CCDC6: variants seen among roughly 807,000 people sequenced by gnomAD.
The protein encoded by CCDC6 is coiled-coil domain-containing protein 6.
CCDC6 carries 20 observed loss-of-function variants against 56.6 expected under a neutral mutation model. That is an observed-to-expected ratio of 0.35 (90% confidence interval 0.25 to 0.51). The LOEUF (loss-of-function observed/expected upper bound fraction) is 0.51, where lower values mean the gene tolerates loss of function less well. Among genes scored for constraint, CCDC6 ranks in the 20% least tolerant of loss-of-function variants. The pLI is 0.95. For synonymous variants in CCDC6, 241 were observed against 234.4 expected (o/e 1.03, Z -0.26); for missense variants, 367 against 601.1 (o/e 0.61, Z 4.07).
At position 59,869,103 on chromosome 10, in the gene CCDC6, A is replaced by G. The variant is rs921392568; in HGVS notation, c.304-16401T>C. Reference sequence around the variant, plus strand: ...CCTTTAACCTGTCTTTCAAAAGCCAATGGGAGCCATAGGAAAGAGCACACT... The same window carrying G: ...CCTTTAACCTGTCTTTCAAAAGCCAGTGGGAGCCATAGGAAAGAGCACACT... On this transcript the variant is annotated intron_variant, in intron 1 of 8. Coordinates refer to ENST00000263102, the MANE Select transcript of CCDC6 (RefSeq NM_005436.5). 4.6e-5 allele frequency among the ~76,000 whole-genome samples: 7 copies of G among 152,184 alleles called. No individual in the cohort carries two copies. In the South Asian group the frequency reaches 6.2e-4, roughly 14 times the overall value.
At chr10:59,828,648 A>G (rs1437608228) in intron 3 of CCDC6, among the ~76,000 whole-genome samples, 2 of 152,050 alleles carry the variant, frequency 1.3e-5, no homozygotes, top group African/African-American at 2.4e-5. Context: ...AACCCTCCCA[A>G]TCTCTCTCCG....
intron 3 of CCDC6, among the ~76,000 whole-genome samples, chr10:59,824,408 C>T (rs944404751): frequency 2.0e-5 from 3 of 152,084 alleles, no homozygotes; most frequent in African/African-American, 7.2e-5. Flanking sequence ...GCACAAAATT[C>T]CATTTATTTA....
chr10:59,848,967 C>A (rs554839553), intron 2 of CCDC6, among the ~76,000 whole-genome samples: 1 of 152,344 alleles, frequency 6.6e-6, no homozygotes, highest in South Asian at 2.1e-4. Flanking sequence ...CCACCTGCCT[C>A]GGCCTCCCAA....
intron 5 of CCDC6, among the ~76,000 whole-genome samples, chr10:59,809,686 A>G (rs1444539019): frequency 1.3e-5 from 2 of 152,190 alleles, no homozygotes; most frequent in Non-Finnish European, 2.9e-5. Flanking sequence ...CTCCCAATAT[A>G]GTAGGCCCTC....
chr10:59,806,682 A>C lies in CCDC6; in HGVS notation c.1004+240T>G, dbSNP rs188222621. 3 of 446,186 alleles carry C rather than the reference A, an allele frequency of 6.7e-6. No individual in the cohort carries two copies. In the Admixed American group the frequency reaches 1.1e-4, roughly 16 times the overall value. 27.6% of individuals were successfully genotyped at this position (446,186 alleles called of 1,614,324 possible). ...GCTTCTCTAATATAACCCTGTCTCCATTTCTCTCCCCACCAAATGATTTTA... is the reference window on the plus strand; with the variant it reads ...GCTTCTCTAATATAACCCTGTCTCCCTTTCTCTCCCCACCAAATGATTTTA... On this transcript the variant is annotated intron_variant, in intron 6 of 8. Coordinates refer to ENST00000263102, the MANE Select transcript of CCDC6 (RefSeq NM_005436.5).
rs560752653 is a variant in CCDC6 at position 59,790,556 on chromosome 10, A to C, written c.*2361T>G. 55 of 221,574 alleles carry C rather than the reference A, an allele frequency of 2.5e-4. No homozygotes were observed. The highest frequency in any genetic ancestry group is 1.2e-3 in the African/African-American group (53 of 44,734). The allele number at this position is 221,574 out of a possible 1,614,324, so 13.7% of individuals were successfully genotyped here. ...TGTTACAGGCTCTGCATAGGTCCTCAAACACTTTAAAGGACACGAACCATC... is the reference window on the plus strand; with the variant it reads ...TGTTACAGGCTCTGCATAGGTCCTCCAACACTTTAAAGGACACGAACCATC... On this transcript the variant is annotated 3_prime_UTR_variant, in exon 9 of 9. Transcript: ENST00000263102.
chr10:59,800,855 TG>T (rs2070569339), intron 7 of CCDC6, among the ~76,000 whole-genome samples: 1 of 152,196 alleles, frequency 6.6e-6, no homozygotes, highest in Admixed American at 6.5e-5. Context: ...AAGTCTTTGC[TG>T]GAATAAACTT....
Position 59,794,454 on chromosome 10 carries a change from C to T in CCDC6, c.1230+19G>A. On this transcript the variant is annotated intron_variant, in intron 8 of 8. Coordinates refer to ENST00000263102, the MANE Select transcript of CCDC6 (RefSeq NM_005436.5). The stretch of plus-strand genomic sequence containing the variant: ...ACTTTCAGGAGTAAAGTGCTGCTTC[C>T]TACCCCACGGACACTTACTGTGATA... 1 of 1,613,550 alleles carries T rather than the reference C, an allele frequency of 6.2e-7. No individual in the cohort carries two copies. The highest frequency in any genetic ancestry group is 8.5e-7 in the Non-Finnish European group (1 of 1,179,626).
intron 1 of CCDC6, among the ~76,000 whole-genome samples, chr10:59,864,996 G>A (rs1209254875): frequency 6.6e-6 from 1 of 152,174 alleles, no homozygotes; most frequent in Non-Finnish European, 1.5e-5. Flanking sequence ...CGATCTTCAA[G>A]TTGATCAAAT....
At chr10:59,879,292 A>C (rs2071311576) in intron 1 of CCDC6, among the ~76,000 whole-genome samples, 1 of 152,196 alleles carries the variant, frequency 6.6e-6, no homozygotes, top group South Asian at 2.1e-4. Flanking sequence ...AAAGAATAAG[A>C]AGTTACTGAA....
In CCDC6 at chr10:59,882,024, C is replaced by CAGGGGGAGAAGGAAAGGAAA. The variant is rs1491423168; in HGVS notation, c.303+24097_303+24098insTTTCCTTTCCTTCTCCCCCT. On this transcript the variant is annotated intron_variant, in intron 1 of 8. Transcript: ENST00000263102. ...AAGCTGGGGAGAAGGAAAGGAAAGC[C>CAGGGGGAGAAGGAAAGGAAA]GCGGGGAGAAGGAAAGGAAAGCCAG... Among the ~76,000 whole-genome samples, 13 of 48,254 alleles carry CAGGGGGAGAAGGAAAGGAAA rather than the reference C, an allele frequency of 2.7e-4. 1 individual carries two copies. Among genetic ancestry groups the CAGGGGGAGAAGGAAAGGAAA allele is most frequent in the African/African-American group, 6.3e-4 (6 of 9,584 alleles). The allele number at this position is 48,254 out of a possible 152,430, so 31.7% of individuals were successfully genotyped here.
intron 1 of CCDC6, among the ~76,000 whole-genome samples, chr10:59,889,466 C>G (rs1010568502): frequency 6.6e-6 from 1 of 152,166 alleles, no homozygotes; most frequent in Non-Finnish European, 1.5e-5. Context: ...GAATAAAAAC[C>G]TTTGAGTCTT....
intron 1 of CCDC6, among the ~76,000 whole-genome samples, chr10:59,856,661 T>C (rs1191215360): frequency 6.6e-6 from 1 of 152,126 alleles, no homozygotes; most frequent in Non-Finnish European, 1.5e-5. Flanking sequence ...CCAGGTACCA[T>C]TCACAAGGCA....
At chr10:59,861,514 TA>T (rs1376812454) in intron 1 of CCDC6, among the ~76,000 whole-genome samples, 1 of 147,784 alleles carries the variant, frequency 6.8e-6, no homozygotes, top group Non-Finnish European at 1.5e-5. Context: ...AGAGATGACC[TA>T]AATGTAGGAA....
At chr10:59,866,142 A>C (rs78219679) in intron 1 of CCDC6, among the ~76,000 whole-genome samples, 2,734 of 152,332 alleles carry the variant, frequency 0.018, 30 homozygotes, top group Middle Eastern at 0.044. Context: ...CTGCATGGGA[A>C]GCACCGTGTG....
chr10:59,819,273 T>C (rs1001834901), intron 3 of CCDC6, among the ~76,000 whole-genome samples: 1 of 152,230 alleles, frequency 6.6e-6, no homozygotes, highest in Non-Finnish European at 1.5e-5. Context: ...ACTTACTGTA[T>C]TTCATTACAT....
chr10:59,837,746 C>CCAA (rs1288485560), intron 2 of CCDC6, among the ~76,000 whole-genome samples: 1 of 49,736 alleles, frequency 2.0e-5, no homozygotes, highest in Non-Finnish European at 4.0e-5. Flanking sequence ...GACTCTGTCT[C>CCAA]AAAAAAAAAA....
At chr10:59,849,031 G>A (rs185708352) in intron 2 of CCDC6, among the ~76,000 whole-genome samples, 3 of 152,306 alleles carry the variant, frequency 2.0e-5, no homozygotes, top group African/African-American at 7.2e-5. Context: ...ATAAAATTCT[G>A]ATAATTTTGC....
At chr10:59,905,683 A>C (rs1464501936) in intron 1 of CCDC6, among the ~76,000 whole-genome samples, 1 of 151,764 alleles carries the variant, frequency 6.6e-6, no homozygotes, top group Non-Finnish European at 1.5e-5. Flanking sequence ...GCGAACCCCC[A>C]CACTCCGAGC....
Sources: gnomAD v4.1 joint callset for allele counts (sites outside exome capture counted in the v4.1 genomes callset) on GRCh38, gnomAD v4.1.1 for gene constraint, MANE v1.5 for transcripts, NCBI Gene and HGNC (gene_info 2026-07-23, HGNC 2026-07-21) for gene names.